The following PASK variants were observed in gnomAD, a reference collection of about 807,000 sequenced individuals.
PASK encodes the protein PAS domain-containing serine/threonine-protein kinase.
PASK carries 110 observed loss-of-function variants against 121.0 expected under a neutral mutation model. The ratio of observed to expected loss-of-function variants is 0.91; its 90% CI spans 0.78 to 1.06. PASK has a LOEUF of 1.06. Among genes scored for constraint, PASK ranks in the 50% least tolerant of loss-of-function variants. The pLI, the probability that PASK is intolerant of heterozygous loss-of-function variation, is 0.00. For missense variants in PASK, 1,643 were observed against 1,702.3 expected, an observed-to-expected ratio of 0.97 and a Z score of 0.61; for synonymous variants, 686 against 717.8, an observed-to-expected ratio of 0.96 and a Z score of 0.71.
intron 12 of PASK, among the ~76,000 whole-genome samples, chr2:241,119,468 C>CTTTT (rs36113805): frequency 1.5e-5 from 2 of 134,256 alleles, no homozygotes; most frequent in African/African-American, 5.7e-5. Flanking sequence ...CAAGATGCTT[C>CTTTT]TTTTTTTTTT....
chr2:241,147,124 TAATA>T (rs2066992072), intron 1 of PASK, among the ~76,000 whole-genome samples: 1 of 152,216 alleles, frequency 6.6e-6, no homozygotes, highest in East Asian at 1.9e-4. Context: ...ATTATTGCCA[TAATA>T]AATAACAATG....
intron 10 of PASK, 56 bp from the exon 11 acceptor site, chr2:241,124,189 G>T: frequency 6.8e-7 from 1 of 1,460,392 alleles, no homozygotes; most frequent in Non-Finnish European, 9.5e-7. Flanking sequence ...CTAGACAGCA[G>T]CTTTAGGTTA....
At chr2:241,149,272 G>C (rs1044589005) in intron 1 of PASK, 142 bp downstream of exon 1, 3 of 167,734 alleles carry the variant, frequency 1.8e-5, no homozygotes, top group African/African-American at 7.1e-5. Context: ...ACGGGCGCAG[G>C]GGCGGGAGAC....
At chr2:241,133,428 A>G in intron 8 of PASK, 1 of 322,058 alleles carries the variant, frequency 3.1e-6, no homozygotes, top group Admixed American at 4.4e-5. Flanking sequence ...CCTTGGGATC[A>G]TGGCTCCTGA....
Position 241,142,928 on chromosome 2 carries a change from A to C in PASK, c.105T>G (p.Ala35=), listed in dbSNP as rs903152146. ...SAEGPAAQTT[A]EPSRSFSSAH... is the part of the protein sequence containing the mutation. ...CTGAGGAAAACGACCTGCTGGGCTC[A>C]GCAGTGGTCTGTGCAGCTGGGCCCT... The change falls in exon 2 of 18, where the codon GCT becomes GCG. Residue 35 remains alanine, a synonymous_variant. Coordinates refer to ENST00000234040, the MANE Select transcript of PASK (RefSeq NM_015148.4). The C allele has an allele frequency of 1.7e-5, 28 of 1,613,948 alleles. No individual in the cohort carries two copies. The highest frequency in any genetic ancestry group is 2.3e-5 in the Non-Finnish European group (27 of 1,179,932).
chr2:241,138,057 C>T lies in PASK; in HGVS notation c.772G>A (p.Ala258Thr). The change falls in exon 6 of 18, where the codon GCT becomes ACT. Residue 258 changes from alanine to threonine, a missense_variant. Coordinates refer to ENST00000234040, the MANE Select transcript of PASK (RefSeq NM_015148.4). ...GTVTSCDSLF[A>T]HLHGYVSGED... ...CCAGACACGTACCCGTGAAGATGAG[C>T]AAAGAGACTGTCACATGACGTGACG... 3 of 1,614,204 alleles carry T rather than the reference C, an allele frequency of 1.9e-6. No individual in the cohort carries two copies. Among genetic ancestry groups the T allele is most frequent in the Non-Finnish European group, 2.5e-6 (3 of 1,180,018 alleles).
Position 241,115,314 on chromosome 2 carries a change from TG to T in PASK, c.3171del (p.Arg1058GlyfsTer23). 6.2e-7 allele frequency: 1 copy of T among 1,614,032 alleles called. No individual in the cohort carries two copies. The highest frequency in any genetic ancestry group is 8.5e-7 in the Non-Finnish European group (1 of 1,179,926). On this transcript the variant is annotated frameshift_variant, in exon 13 of 18. Coordinates refer to ENST00000234040, the MANE Select transcript of PASK (RefSeq NM_015148.4). LOFTEE classifies it high-confidence loss of function. Reference sequence around the variant, plus strand: ...TTGATGATATTGGCGTGCTCCACCCTGGATAGAATTGCGATCTCTAAAGTAA... The same window carrying T: ...TTGATGATATTGGCGTGCTCCACCCTGATAGAATTGCGATCTCTAAAGTAA... ...GKVTLEIAIL[S>X]RVEHANIIKV...
intron 2 of PASK, 136 bp downstream of exon 2, chr2:241,142,701 G>A: frequency 1.4e-6 from 1 of 707,222 alleles, no homozygotes; most frequent in Non-Finnish European, 2.5e-6. Flanking sequence ...CATGAGCCGA[G>A]CACTTAAACC....
intron 1 of PASK, among the ~76,000 whole-genome samples, chr2:241,148,849 A>C (rs1327547743): frequency 6.6e-6 from 1 of 152,220 alleles, no homozygotes; most frequent in African/African-American, 2.4e-5. Flanking sequence ...GCGGAAGGTA[A>C]GGACGAGAAA....
intron 11 of PASK, among the ~76,000 whole-genome samples, chr2:241,123,276 C>T (rs926017987): frequency 2.0e-5 from 3 of 151,726 alleles, no homozygotes; most frequent in Non-Finnish European, 4.4e-5. Flanking sequence ...CCCAGGTTCA[C>T]GCCATTCTCC....
chr2:241,142,768 T>C, intron 2 of PASK, 69 bp downstream of exon 2: 2 of 1,217,886 alleles, frequency 1.6e-6, no homozygotes, highest in Non-Finnish European at 2.4e-6. Context: ...AGGGTTTCCA[T>C]GAGAACACAG....
chr2:241,139,199 C>T (rs1181619650), intron 4 of PASK, among the ~76,000 whole-genome samples: 1 of 152,202 alleles, frequency 6.6e-6, no homozygotes, highest in Non-Finnish European at 1.5e-5. Flanking sequence ...GCAATGGGGT[C>T]TTCTGTGTGA....
chr2:241,145,105 G>C (rs537082341), intron 1 of PASK, among the ~76,000 whole-genome samples: 9 of 152,260 alleles, frequency 5.9e-5, no homozygotes, highest in African/African-American at 2.2e-4. Flanking sequence ...AGTAGAGTCA[G>C]GGTTTCACCG....
Position 241,123,711 on chromosome 2 carries a change from G to A in PASK, c.2904+238C>T, listed in dbSNP as rs539657092. On this transcript the variant is annotated intron_variant, in intron 11 of 17. Coordinates refer to ENST00000234040, the MANE Select transcript of PASK (RefSeq NM_015148.4). ...CGCGTGCCTGTAATCCCCACTACTC[G>A]GGAGGCTGAGGCGGGCGAATCACTT... Among the ~76,000 whole-genome samples, 35 of 151,998 alleles carry A rather than the reference G, an allele frequency of 2.3e-4. 3 individuals are homozygous for A. In the South Asian group the frequency reaches 6.7e-3, roughly 29 times the overall value.
At chr2:241,125,225 C>T (rs761574161) in intron 10 of PASK, among the ~76,000 whole-genome samples, 2 of 151,972 alleles carry the variant, frequency 1.3e-5, no homozygotes, top group African/African-American at 4.8e-5. Flanking sequence ...CATTTGAACC[C>T]AGGAGGCGGA....
chr2:241,145,282 A>G (rs904974180), intron 1 of PASK, among the ~76,000 whole-genome samples: 11 of 151,970 alleles, frequency 7.2e-5, no homozygotes, highest in African/African-American at 1.2e-4. Flanking sequence ...AGGTCTCACT[A>G]TGGTGCCCAG....
chr2:241,123,846 G>T, intron 11 of PASK, 103 bp downstream of exon 11: 28 of 903,580 alleles, frequency 3.1e-5, no homozygotes, highest in Non-Finnish European at 4.7e-5. Context: ...GCTACAAACA[G>T]ACTGTATTCC....
At chr2:241,130,592 A>G (rs1003726527) in intron 9 of PASK, among the ~76,000 whole-genome samples, 16 of 152,050 alleles carry the variant, frequency 1.1e-4, no homozygotes, top group Non-Finnish European at 2.4e-4. Flanking sequence ...GCACAGCAAT[A>G]TTATTCATAG....
rs2065158620 is a variant in PASK, at chr2:241,112,681, G to A, written c.3334-242C>T. The A allele has an allele frequency of 2.1e-6, 1 of 483,376 alleles. No individual in the cohort carries two copies. Among genetic ancestry groups the A allele is most frequent in the Admixed American group, 3.5e-5 (1 of 28,416 alleles). The allele number at this position is 483,376 out of a possible 1,614,324, so 29.9% of individuals were successfully genotyped here. ...TAGCCGGCAAGGTGGCAACATCAATGAGACTCGTGAGTTCTGTTTGCTGCT... is the reference window on the plus strand; with the variant it reads ...TAGCCGGCAAGGTGGCAACATCAATAAGACTCGTGAGTTCTGTTTGCTGCT... On this transcript the variant is annotated intron_variant, in intron 14 of 17. Coordinates refer to ENST00000234040, the MANE Select transcript of PASK (RefSeq NM_015148.4). This position sits in a 1 kb window ranked among gnomAD's most constrained non-coding sequence, Gnocchi z 5.2.
Sources: gnomAD v4.1 joint callset for allele counts (sites outside exome capture counted in the v4.1 genomes callset) on GRCh38, gnomAD v4.1.1 for gene constraint, Gnocchi (gnomAD v3.1) non-coding constraint, MANE v1.5 for transcripts, NCBI Gene and HGNC (gene_info 2026-07-23, HGNC 2026-07-21) for gene names.